The following ULK4 variants were observed in gnomAD, a reference collection of about 807,000 sequenced individuals.
ULK4 encodes the protein inactive serine/threonine-protein kinase ULK4.
In ULK4, 133 loss-of-function variants were observed where a neutral mutation model predicts 160.6. The ratio of observed to expected loss-of-function variants is 0.83; its 90% CI spans 0.72 to 0.96. The LOEUF is 0.96. Ranked by LOEUF, ULK4 falls within the 40% of genes least tolerant of loss-of-function variation. The pLI is 0.00. For synonymous variants in ULK4, 534 were observed against 539.8 expected, an observed-to-expected ratio of 0.99 and a Z score of 0.15; for missense variants, 1,580 against 1,499.5, an observed-to-expected ratio of 1.05 and a Z score of -0.89.
In ULK4 at chr3:41,644,054, C is replaced by G. The variant is rs536640950; in HGVS notation, c.3071+19553G>C. On this transcript the variant is annotated intron_variant, in intron 30 of 36. Transcript: ENST00000301831. ...TGTATATTGATTTTGTATCCTGAGA[C>G]TTTGCTGAAGTTGCTTATCAGCTTA... Among the ~76,000 whole-genome samples, 7 of 152,242 alleles carry G rather than the reference C, an allele frequency of 4.6e-5. No individual in the cohort carries two copies. In the South Asian group the frequency reaches 1.5e-3, roughly 32 times the overall value.
At chr3:41,530,114 G>A (rs951334698) in intron 32 of ULK4, among the ~76,000 whole-genome samples, 46 of 152,054 alleles carry the variant, frequency 3.0e-4, no homozygotes, top group Non-Finnish European at 5.0e-4. Context: ...CAAAATGATG[G>A]ATTTTACGAT....
intron 17 of ULK4, among the ~76,000 whole-genome samples, chr3:41,839,884 T>C (rs2041861432): frequency 6.6e-6 from 1 of 152,114 alleles, no homozygotes; most frequent in African/African-American, 2.4e-5. Context: ...AGGTACAGGA[T>C]TTGTATGCTG....
At chr3:41,692,721 A>G (rs1451649957) in intron 27 of ULK4, among the ~76,000 whole-genome samples, 9 of 152,166 alleles carry the variant, frequency 5.9e-5, no homozygotes, top group Admixed American at 5.9e-4. Context: ...TTGATTTCTT[A>G]AAGACATTCA....
chr3:41,574,286 C>T (rs1157203576), intron 31 of ULK4, among the ~76,000 whole-genome samples: 2 of 152,112 alleles, frequency 1.3e-5, no homozygotes, highest in African/African-American at 4.8e-5. Flanking sequence ...ATTGGAGGTC[C>T]CACAGCTTGC....
chr3:41,861,244 T>C (rs1422606485), intron 17 of ULK4, among the ~76,000 whole-genome samples: 1 of 152,212 alleles, frequency 6.6e-6, no homozygotes, highest in Non-Finnish European at 1.5e-5. Flanking sequence ...ACCAGTGAGT[T>C]TTCTACCTTC....
At chr3:41,628,886 A>T (rs1462524386) in intron 30 of ULK4, among the ~76,000 whole-genome samples, 1 of 152,178 alleles carries the variant, frequency 6.6e-6, no homozygotes, top group Non-Finnish European at 1.5e-5. Context: ...AAAGTTTTTT[A>T]AAATGACTTC....
intron 34 of ULK4, among the ~76,000 whole-genome samples, chr3:41,442,243 T>C (rs1277536971): frequency 6.6e-6 from 1 of 152,168 alleles, no homozygotes. Flanking sequence ...AAATTTAATA[T>C]CATTGTTTGT....
chr3:41,791,011 T>A (rs2040134472), intron 20 of ULK4, among the ~76,000 whole-genome samples: 1 of 151,982 alleles, frequency 6.6e-6, no homozygotes, highest in Non-Finnish European at 1.5e-5. Context: ...AGATCAAATA[T>A]AAAACAAACT....
At chr3:41,346,041 A>G (rs992100625) in intron 35 of ULK4, among the ~76,000 whole-genome samples, 2 of 152,128 alleles carry the variant, frequency 1.3e-5, no homozygotes, top group South Asian at 2.1e-4. Context: ...GGTGCAGAGT[A>G]TAAGGACAGG....
At chr3:41,591,072 GAA>G (rs747968967) in intron 31 of ULK4, among the ~76,000 whole-genome samples, 3 of 151,630 alleles carry the variant, frequency 2.0e-5, no homozygotes, top group Non-Finnish European at 4.4e-5. Context: ...CTGACAATCA[GAA>G]AAGAGAGGAA....
chr3:41,906,191 TG>T (rs1698549941), intron 12 of ULK4, among the ~76,000 whole-genome samples: 1 of 113,946 alleles, frequency 8.8e-6, no homozygotes, highest in African/African-American at 3.4e-5. Context: ...CACTCCAGCC[TG>T]GGCGACAGAG....
At position 41,829,456 on chromosome 3, in the gene ULK4, C is replaced by A. The variant is rs541163613; in HGVS notation, c.1764+6408G>T. Among the ~76,000 whole-genome samples, 78 of 150,470 alleles carry A rather than the reference C, an allele frequency of 5.2e-4. 2 individuals are homozygous for A. The highest frequency in any genetic ancestry group is 1.7e-3 in the African/African-American group (70 of 40,702). ...AACTCAAATTTACAAGAAAAAAAAA[C>A]AAACAACCCCATCAACAAGTGGGTG... On this transcript the variant is annotated intron_variant, in intron 18 of 36. Transcript: ENST00000301831.
intron 2 of ULK4, among the ~76,000 whole-genome samples, chr3:41,939,621 G>A (rs940825406): frequency 2.0e-5 from 3 of 152,092 alleles, no homozygotes; most frequent in African/African-American, 7.2e-5. Flanking sequence ...CCTGGTCACT[G>A]GCAGTGGCTC....
chr3:41,511,765 A>C (rs1334027772), intron 32 of ULK4, among the ~76,000 whole-genome samples: 2 of 152,182 alleles, frequency 1.3e-5, no homozygotes, highest in African/African-American at 4.8e-5. Flanking sequence ...AATAAAGAGG[A>C]AATCTCCCCT....
At chr3:41,836,043 A>G in intron 17 of ULK4, 72 bp from the exon 18 acceptor site, 1 of 1,042,112 alleles carries the variant, frequency 9.6e-7, no homozygotes, top group South Asian at 1.5e-5. Context: ...ATATGTAAAA[A>G]GCAGGATACC....
chr3:41,298,326 A>G (rs1049821829), intron 35 of ULK4, among the ~76,000 whole-genome samples: 2 of 152,248 alleles, frequency 1.3e-5, no homozygotes, highest in Non-Finnish European at 2.9e-5. Context: ...GCTTTTCCTA[A>G]GAGTTTAAAG....
chr3:41,520,782 G>C (rs2085906302), intron 32 of ULK4, among the ~76,000 whole-genome samples: 1 of 151,972 alleles, frequency 6.6e-6, no homozygotes, highest in African/African-American at 2.4e-5. Flanking sequence ...ATCTCATTGT[G>C]GTTTTGATTT....
chr3:41,657,276 T>A (rs2034972803), intron 30 of ULK4, among the ~76,000 whole-genome samples: 1 of 152,172 alleles, frequency 6.6e-6, no homozygotes, highest in African/African-American at 2.4e-5. Context: ...AAAATAAGAA[T>A]AAACACATAA....
intron 32 of ULK4, among the ~76,000 whole-genome samples, chr3:41,494,651 C>A (rs1321448630): frequency 3.6e-4 from 55 of 152,178 alleles, no homozygotes; most frequent in Admixed American, 1.0e-3. Context: ...TCCCTGTTTG[C>A]AGACGACATG....
Sources: gnomAD v4.1 joint callset for allele counts (sites outside exome capture counted in the v4.1 genomes callset) on GRCh38, gnomAD v4.1.1 for gene constraint, MANE v1.5 for transcripts, NCBI Gene and HGNC (gene_info 2026-07-23, HGNC 2026-07-21) for gene names.